KATNAL2: variants seen among roughly 807,000 people sequenced by gnomAD.
The protein encoded by KATNAL2 is katanin catalytic subunit A1 like 2.
In KATNAL2, 52 loss-of-function variants were observed where a neutral mutation model predicts 76.3. The ratio of observed to expected loss-of-function variants is 0.68; its 90% CI spans 0.55 to 0.86. The LOEUF (loss-of-function observed/expected upper bound fraction) is 0.86. Ranked by LOEUF, KATNAL2 falls within the 40% of genes least tolerant of loss-of-function variation. The pLI is 0.00. For synonymous variants in KATNAL2, 243 were observed against 244.2 expected (o/e 1.00, Z 0.05); for missense variants, 660 against 668.9 (o/e 0.99, Z 0.15).
intron 1 of KATNAL2, among the ~76,000 whole-genome samples, chr18:46,934,686 C>T (rs1340068838): frequency 6.6e-6 from 1 of 152,174 alleles, no homozygotes; most frequent in Non-Finnish European, 1.5e-5. Flanking sequence ...GCTTTTGTTG[C>T]CATTGCTTTT....
intron 2 of KATNAL2, 118 bp from the exon 3 acceptor site, chr18:46,946,736 G>C: frequency 8.9e-7 from 1 of 1,126,520 alleles, no homozygotes; most frequent in Non-Finnish European, 1.3e-6. Context: ...TCTGTGGCCA[G>C]CGATTGGCGG....
intron 3 of KATNAL2, chr18:47,035,327 G>T (rs925022796): frequency 1.2e-6 from 2 of 1,607,808 alleles, no homozygotes; most frequent in Admixed American, 1.7e-5. Flanking sequence ...GGGGCTGCGG[G>T]ACAGGAAGTC....
chr18:47,059,741 A>C, intron 8 of KATNAL2, 87 bp downstream of exon 8: 1 of 989,496 alleles, frequency 1.0e-6, no homozygotes, highest in Non-Finnish European at 1.6e-6. Flanking sequence ...TTTTTGTCAA[A>C]CAGGAAAGTT....
intron 1 of KATNAL2, among the ~76,000 whole-genome samples, chr18:46,939,610 C>T (rs982360637): frequency 6.6e-6 from 1 of 152,110 alleles, no homozygotes; most frequent in Non-Finnish European, 1.5e-5. Flanking sequence ...TATCTGAGAT[C>T]TTGCATGCTA....
At chr18:47,035,077 C>T (rs762677890) in intron 3 of KATNAL2, 2 of 1,611,216 alleles carry the variant, frequency 1.2e-6, no homozygotes, top group Non-Finnish European at 1.7e-6. Flanking sequence ...GGCAAAGTCG[C>T]CCACGTGCTG....
chr18:47,049,050 C>T (rs2061257501), intron 4 of KATNAL2, among the ~76,000 whole-genome samples: 1 of 152,004 alleles, frequency 6.6e-6, no homozygotes, highest in Admixed American at 6.6e-5. Context: ...GTCTCGATCT[C>T]CTGCCCTCGT....
intron 13 of KATNAL2, among the ~76,000 whole-genome samples, chr18:47,073,198 A>G (rs1038655744): frequency 6.6e-5 from 10 of 152,166 alleles, no homozygotes; most frequent in African/African-American, 2.2e-4. Flanking sequence ...ACATTTGTCA[A>G]TCTAATACCA....
At chr18:47,035,000 C>G in intron 3 of KATNAL2, 1 of 1,611,546 alleles carries the variant, frequency 6.2e-7, no homozygotes, top group Non-Finnish European at 8.5e-7. Flanking sequence ...TCCTCAGGGT[C>G]CTGTGGGCCA....
At chr18:47,093,895 C>T (rs2063115717) in intron 15 of KATNAL2, among the ~76,000 whole-genome samples, 1 of 152,194 alleles carries the variant, frequency 6.6e-6, no homozygotes. Context: ...TTTCTTCTAT[C>T]ATATTTTGTA....
At chr18:47,031,275 G>T (rs2060410650) in intron 3 of KATNAL2, among the ~76,000 whole-genome samples, 1 of 151,966 alleles carries the variant, frequency 6.6e-6, no homozygotes, top group Admixed American at 6.6e-5. Context: ...GGTTTGGGCA[G>T]CGGAGTTCCA....
chr18:47,059,724 A>C (rs2061576197), intron 8 of KATNAL2, 70 bp downstream of exon 8: 1 of 1,133,506 alleles, frequency 8.8e-7, no homozygotes, highest in African/African-American at 1.5e-5. Context: ...GAAAACAAAA[A>C]ACATTATTTT....
chr18:46,927,956 C>G (rs1167529210), intron 1 of KATNAL2, among the ~76,000 whole-genome samples: 2 of 152,302 alleles, frequency 1.3e-5, no homozygotes, highest in East Asian at 3.9e-4. Flanking sequence ...AAGGACTTCT[C>G]TGCATTGGTT....
At chr18:47,035,088 G>C in intron 3 of KATNAL2, 1 of 1,611,080 alleles carries the variant, frequency 6.2e-7, no homozygotes, top group East Asian at 2.2e-5. Flanking sequence ...CCACGTGCTG[G>C]TGCTTCCGCA....
At chr18:46,961,623 C>A (rs890118404) in intron 3 of KATNAL2, among the ~76,000 whole-genome samples, 2 of 152,206 alleles carry the variant, frequency 1.3e-5, no homozygotes, top group Non-Finnish European at 2.9e-5. Flanking sequence ...TAAACCTCTG[C>A]CAAACCTATA....
intron 15 of KATNAL2, among the ~76,000 whole-genome samples, chr18:47,089,401 G>C (rs537288232): frequency 6.6e-4 from 100 of 152,272 alleles, no homozygotes; most frequent in African/African-American, 2.3e-3. Context: ...TTTCTGGCAA[G>C]AGTAATTGAG....
At chr18:46,940,343 G>C (rs1374323339) in intron 1 of KATNAL2, among the ~76,000 whole-genome samples, 1 of 152,216 alleles carries the variant, frequency 6.6e-6, no homozygotes, top group South Asian at 2.1e-4. Context: ...TTGTGGATAA[G>C]ATCCAATAAA....
intron 3 of KATNAL2, among the ~76,000 whole-genome samples, chr18:47,037,850 A>ATAT (rs1555848956): frequency 4.1e-5 from 6 of 148,036 alleles, no homozygotes; most frequent in Admixed American, 4.0e-4. Flanking sequence ...TAGGAAAGCC[A>ATAT]TTTTTTTTTT....
chr18:47,097,636 G>A (rs1314696671), intron 15 of KATNAL2, among the ~76,000 whole-genome samples: 3 of 152,148 alleles, frequency 2.0e-5, no homozygotes, highest in Non-Finnish European at 4.4e-5. Flanking sequence ...ATTAAAAAGA[G>A]GTTTAAGAGA....
chr18:47,063,865 T>C (rs1293789165), intron 10 of KATNAL2, among the ~76,000 whole-genome samples: 1 of 152,198 alleles, frequency 6.6e-6, no homozygotes, highest in African/African-American at 2.4e-5. Context: ...GAACAGGCTT[T>C]GGAATTAGCT....
Sources: allele counts gnomAD v4.1 joint callset (sites outside exome capture counted in the v4.1 genomes callset), GRCh38; gene constraint gnomAD v4.1.1; transcripts MANE v1.5; gene names NCBI Gene and HGNC (gene_info 2026-07-23, HGNC 2026-07-21).